The following PRR14L variants were observed in gnomAD, a reference collection of about 807,000 sequenced individuals.
PRR14L encodes protein PRR14L.
Under a neutral mutation model 155.0 loss-of-function variants are expected in PRR14L, and 80 were observed. That is an observed-to-expected ratio of 0.52 (90% CI 0.43 to 0.62). The LOEUF (loss-of-function observed/expected upper bound fraction) is 0.62, where lower values mean the gene tolerates loss of function less well. Ranked by LOEUF, PRR14L falls within the 20% of genes least tolerant of loss-of-function variation. The probability of loss-of-function intolerance (pLI) is 0.00; values close to 1 mark genes in which losing one functional copy is unlikely to be tolerated. For missense variants in PRR14L, 2,469 were observed against 2,548.0 expected, an observed-to-expected ratio of 0.97 and a Z score of 0.67; for synonymous variants, 883 against 916.0, an observed-to-expected ratio of 0.96 and a Z score of 0.65.
Position 31,703,553 on chromosome 22 carries a change from T to C in PRR14L, c.5997A>G (p.Lys1999=), listed in dbSNP as rs1200139223. Residue 1999 remains lysine, a synonymous_variant, in exon 6 of 9, where the codon AAA becomes AAG. Transcript: ENST00000327423. ...CCAACCAGCACTTTACACTTACCTC[T>C]TTCTGTTCTGGGGGGCTGCTCTGTG... is the stretch of plus-strand genomic sequence containing the variant. ...PCPQSSPPEQ[K]EAEPEKRPKK... is the part of the protein sequence containing the mutation. The C allele has an allele frequency of 1.9e-6, 3 of 1,612,646 alleles. No homozygotes were observed. The highest frequency in any genetic ancestry group is 2.2e-5 in the East Asian group (1 of 44,734).
At chr22:31,732,891 A>G (rs1353656030) in intron 2 of PRR14L, among the ~76,000 whole-genome samples, 1 of 152,026 alleles carries the variant, frequency 6.6e-6, no homozygotes, top group Non-Finnish European at 1.5e-5. Context: ...TCTCTCCTAT[A>G]TATGGGCATT....
rs2074659914 is a variant in PRR14L, at chr22:31,716,404, T to C, written c.1435A>G (p.Ile479Val). ...EVMLNKNDLK[I>V]TVHVQGNLTN... ...AAGTTACCTTGAACGTGTACAGTAA[T>C]TTTCAAATCATTTTTATTTAACATT... Residue 479 changes from isoleucine (I) to valine (V), a missense_variant, in exon 4 of 9, where the codon ATT becomes GTT. This residue lies in a region of PRR14L where 2,363 missense variants were observed against 2,371.6 expected (regional missense o/e 1.00). Transcript: ENST00000327423. 6.5e-7 allele frequency: 1 copy of C among 1,549,716 alleles called. No homozygotes were observed. Among genetic ancestry groups the C allele is most frequent in the East Asian group, 2.4e-5 (1 of 40,906 alleles).
At chr22:31,724,134 C>A (rs131236) in intron 3 of PRR14L, among the ~76,000 whole-genome samples, 1 of 152,186 alleles carries the variant, frequency 6.6e-6, no homozygotes, top group African/African-American at 2.4e-5. Flanking sequence ...CTGTCACTGT[C>A]GCCCATCAAC....
chr22:31,737,031 C>CAA (rs10589286), intron 2 of PRR14L, among the ~76,000 whole-genome samples: 28 of 49,852 alleles, frequency 5.6e-4, no homozygotes, highest in African/African-American at 2.0e-3. Context: ...GTGAGAGACT[C>CAA]AAAAAAAAAA....
In PRR14L at chr22:31,715,853, T is replaced by C. The variant is rs1460589175; in HGVS notation, c.1986A>G (p.Glu662=). ...GAGAGTCAGTTGGCAAATTTGCATG[T>C]TCTTGAGAATTAAGGGACACTTGTT... The part of the protein sequence containing the change: ...LNQQVSLNSQ[E]HANLPTDSLL... The change falls in exon 4 of 9, where the codon GAA becomes GAG. Residue 662 remains glutamate, a synonymous_variant. Coordinates refer to ENST00000327423, the MANE Select transcript of PRR14L (RefSeq NM_173566.3). 12 of 1,551,642 alleles carry C rather than the reference T, an allele frequency of 7.7e-6. No homozygotes were observed. The highest frequency in any genetic ancestry group is 1.0e-5 in the Non-Finnish European group (12 of 1,146,904).
At chr22:31,705,963 T>C (rs2074588589) in intron 4 of PRR14L, among the ~76,000 whole-genome samples, 2 of 151,600 alleles carry the variant, frequency 1.3e-5, no homozygotes, top group African/African-American at 4.8e-5. Context: ...ATTATACCAC[T>C]GCACTCCAGC....
At chr22:31,710,920 A>C (rs1417404579) in intron 4 of PRR14L, among the ~76,000 whole-genome samples, 1 of 152,208 alleles carries the variant, frequency 6.6e-6, no homozygotes, top group Non-Finnish European at 1.5e-5. Flanking sequence ...TAAACCCTAA[A>C]GCTGAAGTAT....
chr22:31,738,718 A>C lies in PRR14L; in HGVS notation c.143T>G (p.Val48Gly), dbSNP rs777961491. 9.0e-6 allele frequency: 14 copies of C among 1,551,896 alleles called. 1 individual carries two copies. The South Asian group carries it at 1.7e-4, about 18-fold the overall frequency. ...AAGAGAGCTTGAGGCTCCAGGTTTTACATCTGGAATCACACTTGGCTCAGG... is the reference window on the plus strand; with the variant it reads ...AAGAGAGCTTGAGGCTCCAGGTTTTCCATCTGGAATCACACTTGGCTCAGG... The part of the protein sequence containing the change: ...ADPEPSVIPD[V>G]KPGASSSLLS... The change falls in exon 2 of 9, where the codon GTA becomes GGA. Residue 48 changes from valine to glycine, a missense_variant. This residue lies in a region of PRR14L where 2,363 missense variants were observed against 2,371.6 expected (regional missense o/e 1.00). Transcript: ENST00000327423.
At chr22:31,707,722 A>G (rs1435632716) in intron 4 of PRR14L, among the ~76,000 whole-genome samples, 1 of 152,184 alleles carries the variant, frequency 6.6e-6, no homozygotes, top group Non-Finnish European at 1.5e-5. Flanking sequence ...CCCTAAACAC[A>G]TAGCAGAGCA....
intron 1 of PRR14L, 51 bp from the exon 2 acceptor site, chr22:31,738,962 A>G: frequency 1.2e-6 from 1 of 802,116 alleles, no homozygotes; most frequent in Non-Finnish European, 1.9e-6. Flanking sequence ...GATAGGTTAG[A>G]AGAAGGCTGC....
At chr22:31,708,208 T>C (rs572722296) in intron 4 of PRR14L, among the ~76,000 whole-genome samples, 2 of 152,254 alleles carry the variant, frequency 1.3e-5, no homozygotes, top group South Asian at 2.1e-4. Flanking sequence ...CAGCAATTCA[T>C]CTTTCAATTC....
chr22:31,688,459 C>G (rs1039947424), intron 7 of PRR14L, among the ~76,000 whole-genome samples: 9 of 151,948 alleles, frequency 5.9e-5, no homozygotes, highest in Non-Finnish European at 1.3e-4. Context: ...CTACTGTGCA[C>G]AGCCTCATGT....
rs138409301 is a variant in PRR14L at position 31,725,658 on chromosome 22, G to A, written c.475-48C>T. On this transcript the variant is annotated intron_variant, in intron 2 of 8. Transcript: ENST00000327423. ...TCAAGGGGGATTCAGAAGATTCTGA[G>A]TTAATGAATATTATTATTATTATTA... 788 of 1,040,952 alleles carry A rather than the reference G, an allele frequency of 7.6e-4. 2 individuals are homozygous for A. The African/African-American group carries it at 0.011, about 15-fold the overall frequency. 64.5% of individuals were successfully genotyped at this position (1,040,952 alleles called of 1,614,324 possible). A position where few individuals can be genotyped will look rare whatever the true frequency, so the allele number is the denominator to read the frequency against.
chr22:31,735,528 A>C (rs776918552), intron 2 of PRR14L, among the ~76,000 whole-genome samples: 24 of 151,928 alleles, frequency 1.6e-4, no homozygotes, highest in Non-Finnish European at 3.2e-4. Flanking sequence ...ATGCATATAT[A>C]AACACATATA....
Position 31,715,484 on chromosome 22 carries a change from G to C in PRR14L, c.2355C>G (p.Ile785Met), listed in dbSNP as rs1569498897. ...TTTTTCTTACACGATGACAGCTAGA[G>C]ATATCCTGAGATTGAACGCTGTGAC... ...IECHSVQSQDISSCHRVRKNV... is the reference protein window; with the variant it reads ...IECHSVQSQDMSSCHRVRKNV... The change falls in exon 4 of 9, where the codon ATC becomes ATG. Residue 785 changes from isoleucine (I) to methionine (M), a missense_variant. Physicochemically the swap from Ile to Met is conservative, Grantham distance 10. Transcript: ENST00000327423. 1.9e-6 allele frequency: 3 copies of C among 1,552,322 alleles called. No individual in the cohort carries two copies. The highest frequency in any genetic ancestry group is 1.7e-6 in the Non-Finnish European group (2 of 1,147,100).
Position 31,745,095 on chromosome 22 carries a change from T to C in PRR14L, c.-52+4898A>G, listed in dbSNP as rs991413519. ...CAAGCCTAGAGTGGCAGGTTAAACA[T>C]GGCCGGGTGCTTTGGCTCACGCCTG... On this transcript the variant is annotated intron_variant, in intron 1 of 8. Transcript: ENST00000327423. Among the ~76,000 whole-genome samples the C allele has an allele frequency of 6.6e-5, 10 of 152,108 alleles. No individual in the cohort carries two copies. The East Asian group carries it at 1.7e-3, about 26-fold the overall frequency.
At chr22:31,721,005 G>A (rs2074686369) in intron 3 of PRR14L, among the ~76,000 whole-genome samples, 1 of 152,180 alleles carries the variant, frequency 6.6e-6, no homozygotes, top group African/African-American at 2.4e-5. Flanking sequence ...CAGTTATAGG[G>A]AACTCTCTGA....
At chr22:31,718,308 T>G (rs904446599) in intron 3 of PRR14L, among the ~76,000 whole-genome samples, 2 of 149,604 alleles carry the variant, frequency 1.3e-5, no homozygotes, top group Non-Finnish European at 3.0e-5. Flanking sequence ...CAGGCTGGAG[T>G]GCAGTGGCGC....
chr22:31,744,956 G>A (rs113440642), intron 1 of PRR14L, among the ~76,000 whole-genome samples: 3 of 152,244 alleles, frequency 2.0e-5, no homozygotes, highest in African/African-American at 7.2e-5. Context: ...AACCAAAACA[G>A]ACACCCCCTC....
Sources: allele counts gnomAD v4.1 joint callset (sites outside exome capture counted in the v4.1 genomes callset), GRCh38; gene constraint gnomAD v4.1.1; regional missense constraint gnomAD v4.1.1; transcripts MANE v1.5; gene names NCBI Gene and HGNC (gene_info 2026-07-23, HGNC 2026-07-21).